The following CDH18 variants were observed in gnomAD, a reference collection of about 807,000 sequenced individuals.
CDH18 encodes cadherin-18.
A neutral mutation model predicts 67.9 loss-of-function variants in CDH18; 31 were observed. The ratio of observed to expected loss-of-function variants is 0.46; its 90% confidence interval spans 0.34 to 0.62. The LOEUF is 0.62. Ranked by LOEUF, CDH18 falls within the 20% of genes least tolerant of loss-of-function variation. The probability of loss-of-function intolerance (pLI) is 0.01; values close to 1 mark genes in which losing one functional copy is unlikely to be tolerated. For missense variants in CDH18, 890 were observed against 975.5 expected (o/e 0.91, Z 1.17); for synonymous variants, 362 against 347.2 (o/e 1.04, Z -0.48).
At chr5:19,903,109 T>C (rs1790122355) in intron 2 of CDH18, among the ~76,000 whole-genome samples, 2 of 152,010 alleles carry the variant, frequency 1.3e-5, no homozygotes, top group Admixed American at 6.6e-5. Context: ...TTTAAATATA[T>C]CTTCCAAACT....
intron 8 of CDH18, among the ~76,000 whole-genome samples, chr5:19,551,886 A>G (rs777268708): frequency 2.6e-5 from 4 of 152,138 alleles, no homozygotes; most frequent in Non-Finnish European, 5.9e-5. Context: ...ACATAGAGCA[A>G]TTTTTATTTG....
intron 2 of CDH18, among the ~76,000 whole-genome samples, chr5:20,183,544 C>A (rs1448136964): frequency 6.6e-6 from 1 of 151,882 alleles, no homozygotes; most frequent in Non-Finnish European, 1.5e-5. Flanking sequence ...GAAGAAAAAA[C>A]AAAGCAATTC....
At chr5:19,486,167 A>C (rs1740367968) in intron 11 of CDH18, among the ~76,000 whole-genome samples, 1 of 152,108 alleles carries the variant, frequency 6.6e-6, no homozygotes, top group Admixed American at 6.6e-5. Context: ...TGAACTCTTG[A>C]CAAGGCATAT....
intron 2 of CDH18, among the ~76,000 whole-genome samples, chr5:19,960,763 ATG>A (rs1184319802): frequency 7.7e-6 from 1 of 130,496 alleles, no homozygotes; most frequent in African/African-American, 4.0e-5. Flanking sequence ...ATATGTATAT[ATG>A]TATATATACA....
chr5:19,790,452 A>T (rs189405755), intron 3 of CDH18, among the ~76,000 whole-genome samples: 1 of 152,298 alleles, frequency 6.6e-6, no homozygotes, highest in African/African-American at 2.4e-5. Flanking sequence ...TTGTATGTGC[A>T]TTTAAGCGAT....
chr5:20,109,198 A>T (rs1415694521), intron 2 of CDH18, among the ~76,000 whole-genome samples: 1 of 152,238 alleles, frequency 6.6e-6, no homozygotes, highest in African/African-American at 2.4e-5. Context: ...TGGGGATAGC[A>T]ATTGAGACTG....
intron 1 of CDH18, among the ~76,000 whole-genome samples, chr5:20,550,848 T>A (rs1757594320): frequency 6.6e-6 from 1 of 152,164 alleles, no homozygotes; most frequent in Non-Finnish European, 1.5e-5. Flanking sequence ...CTGCTTCTGA[T>A]GAAAGCCTCA....
intron 1 of CDH18, among the ~76,000 whole-genome samples, chr5:20,507,238 AG>A (rs1754715923): frequency 2.6e-5 from 4 of 152,210 alleles, no homozygotes; most frequent in Admixed American, 2.6e-4. Flanking sequence ...ATCATGAATA[AG>A]TTACTTTGTT....
intron 1 of CDH18, among the ~76,000 whole-genome samples, chr5:20,406,937 G>A (rs1258636551): frequency 6.6e-6 from 1 of 152,188 alleles, no homozygotes; most frequent in Non-Finnish European, 1.5e-5. Flanking sequence ...CCGTGGTGCA[G>A]CATTATATAA....
At chr5:20,149,999 C>T (rs1469135029) in intron 2 of CDH18, among the ~76,000 whole-genome samples, 1 of 151,874 alleles carries the variant, frequency 6.6e-6, no homozygotes, top group Non-Finnish European at 1.5e-5. Context: ...AAAAAATGAA[C>T]ACATGTTATA....
chr5:20,422,950 G>C lies in CDH18; in HGVS notation c.-580+152512C>G, dbSNP rs768031157. Among the ~76,000 whole-genome samples, 4 of 151,126 alleles carry C rather than the reference G, an allele frequency of 2.6e-5. 1 individual carries two copies. The highest frequency in any genetic ancestry group is 7.4e-5 in the African/African-American group (3 of 40,466). On this transcript the variant is annotated intron_variant, in intron 1 of 14. Transcript: ENST00000507958. ...GATTTCAAAGTTACTACATGGCACAGGTAGACCCTCAAATCTTCACCAGTA... is the reference window on the plus strand; with the variant it reads ...GATTTCAAAGTTACTACATGGCACACGTAGACCCTCAAATCTTCACCAGTA...
At chr5:19,634,648 T>G (rs1752863731) in intron 5 of CDH18, among the ~76,000 whole-genome samples, 1 of 152,070 alleles carries the variant, frequency 6.6e-6, no homozygotes, top group Admixed American at 6.6e-5. Flanking sequence ...AAGAATGTAT[T>G]TGGATAGGCT....
chr5:19,765,702 G>C (rs1320512313), intron 3 of CDH18, among the ~76,000 whole-genome samples: 2 of 152,042 alleles, frequency 1.3e-5, no homozygotes, highest in Non-Finnish European at 2.9e-5. Flanking sequence ...GCAAACTAAG[G>C]AAGACAGTTA....
At chr5:19,611,170 T>G (rs1002767453) in intron 6 of CDH18, among the ~76,000 whole-genome samples, 1 of 152,132 alleles carries the variant, frequency 6.6e-6, no homozygotes, top group Non-Finnish European at 1.5e-5. Context: ...AGGGGATCTA[T>G]GTACCTGCAG....
intron 2 of CDH18, among the ~76,000 whole-genome samples, chr5:20,029,753 G>A (rs1204213990): frequency 6.6e-6 from 1 of 152,142 alleles, no homozygotes; most frequent in African/African-American, 2.4e-5. Flanking sequence ...AAATGTAACT[G>A]TATTAGTTTC....
chr5:19,615,104 G>A lies in CDH18; in HGVS notation c.644-2503C>T, dbSNP rs1274930907. 2.7e-5 allele frequency among the ~76,000 whole-genome samples: 4 copies of A among 150,682 alleles called. No homozygotes were observed. The East Asian group carries it at 5.9e-4, about 22-fold the overall frequency. On this transcript the variant is annotated intron_variant, in intron 5 of 12. Coordinates refer to ENST00000382275, the MANE Select transcript of CDH18 (RefSeq NM_004934.5). ...GGAGGTTGCAGTGAGCCAAGATTGC[G>A]CCACTACACTCCAGCCCGGTGACAG... is the stretch of plus-strand genomic sequence containing the variant.
chr5:19,491,718 T>C (rs564438962), intron 11 of CDH18, among the ~76,000 whole-genome samples: 2 of 152,136 alleles, frequency 1.3e-5, no homozygotes, highest in South Asian at 2.1e-4. Flanking sequence ...AAAAAAGTTT[T>C]CCTGTTTCCT....
In CDH18 at chr5:20,510,334, T is replaced by C. The variant is rs188276065; in HGVS notation, c.-580+65128A>G. On this transcript the variant is annotated intron_variant, in intron 1 of 14. Coordinates refer to the CDH18 transcript ENST00000507958. ...ATGATTTATGAATACTTTTTTCTAG[T>C]CTGTGAGGCGCCCCTTCCTCTGTTG... 1.6e-3 allele frequency among the ~76,000 whole-genome samples: 240 copies of C among 152,274 alleles called. 2 individuals carry two copies. The highest frequency in any genetic ancestry group is 1.6e-3 in the Non-Finnish European group (112 of 68,000).
intron 2 of CDH18, among the ~76,000 whole-genome samples, chr5:20,200,188 T>C (rs990518605): frequency 2.0e-5 from 3 of 152,236 alleles, no homozygotes; most frequent in African/African-American, 7.2e-5. Context: ...CTTTTTGTAC[T>C]TTTCGGTTAA....
Sources: allele counts gnomAD v4.1 joint callset (sites outside exome capture counted in the v4.1 genomes callset), GRCh38; gene constraint gnomAD v4.1.1; transcripts MANE v1.5; gene names NCBI Gene and HGNC (gene_info 2026-07-23, HGNC 2026-07-21).